WDFY4: variants seen among roughly 807,000 people sequenced by gnomAD.
WDFY4 encodes the protein WD repeat- and FYVE domain-containing protein 4.
A neutral mutation model predicts 351.9 loss-of-function variants in WDFY4; 169 were observed. That is an observed-to-expected ratio of 0.48 (90% CI 0.42 to 0.55). The LOEUF (loss-of-function observed/expected upper bound fraction) is 0.55. Among genes scored for constraint, WDFY4 ranks in the 20% least tolerant of loss-of-function variants. The probability of loss-of-function intolerance (pLI) is 0.00; values close to 1 mark genes in which losing one functional copy is unlikely to be tolerated. For synonymous variants in WDFY4, 1,622 were observed against 1,574.6 expected, an observed-to-expected ratio of 1.03 and a Z score of -0.71; for missense variants, 3,803 against 3,935.6, an observed-to-expected ratio of 0.97 and a Z score of 0.90.
chr10:48,902,973 G>C (rs569107569), intron 47 of WDFY4, among the ~76,000 whole-genome samples: 2 of 152,090 alleles, frequency 1.3e-5, no homozygotes, highest in African/African-American at 2.4e-5. Context: ...AGCCAAGCAT[G>C]ATGGCAGGTG....
At chr10:48,726,391 C>A (rs959027557) in intron 6 of WDFY4, among the ~76,000 whole-genome samples, 1 of 152,180 alleles carries the variant, frequency 6.6e-6, no homozygotes, top group Non-Finnish European at 1.5e-5. Context: ...TTGCTTGTTT[C>A]TTTGAGATAG....
At chr10:48,807,750 G>A (rs1421447822) in intron 27 of WDFY4, 109 bp from the exon 28 acceptor site, 3 of 1,274,600 alleles carry the variant, frequency 2.4e-6, no homozygotes, top group Admixed American at 2.2e-5. Context: ...TCCCAGCCAT[G>A]CCACAATTCC....
chr10:48,760,504 G>T, intron 13 of WDFY4, 64 bp downstream of exon 13: 1 of 1,495,112 alleles, frequency 6.7e-7, no homozygotes. Context: ...AATGCCTTCT[G>T]ACCCAAGACA....
intron 57 of WDFY4, among the ~76,000 whole-genome samples, chr10:48,974,562 G>GATAGAT (rs1307799326): frequency 9.1e-6 from 1 of 110,062 alleles, no homozygotes; most frequent in African/African-American, 3.3e-5. Context: ...CCGGGTTCAA[G>GATAGAT]ATAGATGTAG....
chr10:48,788,142 C>T (rs565234554), intron 20 of WDFY4, among the ~76,000 whole-genome samples: 2 of 151,984 alleles, frequency 1.3e-5, no homozygotes, highest in South Asian at 4.2e-4. Context: ...ATTCTCCTGC[C>T]TCAGCCTGCC....
rs775916363 is a variant in WDFY4 at position 48,709,863 on chromosome 10, G to C, written c.131G>C (p.Trp44Ser). The C allele has an allele frequency of 6.4e-6, 10 of 1,551,806 alleles. No individual in the cohort carries two copies. The South Asian group carries it at 1.2e-4, about 18-fold the overall frequency. Residue 44 changes from tryptophan to serine, a missense_variant, in exon 2 of 62, where the codon TGG (tryptophan) becomes TCG (serine). Physicochemically the swap from Trp to Ser is radical, Grantham distance 177 (BLOSUM62 -3). Transcript: ENST00000325239. ...GGQSSSPTAL[W>S]DMLERKFLEY... is the part of the protein sequence containing the mutation. ...CAGTCCTCCAGCCCCACAGCTCTCT[G>C]GGACATGCTGGAAAGGAAGTTTCTG...
rs963229938 is a variant in WDFY4, at chr10:48,729,417, C to A, written c.972-15C>A. The A allele has an allele frequency of 1.3e-6, 2 of 1,550,236 alleles. No individual in the cohort carries two copies. The highest frequency in any genetic ancestry group is 1.7e-6 in the Non-Finnish European group (2 of 1,146,924). On this transcript the variant is annotated splice_polypyrimidine_tract_variant and intron_variant, in intron 7 of 61. Coordinates refer to ENST00000325239, the MANE Select transcript of WDFY4 (RefSeq NM_001394531.1). Reference sequence around the variant, plus strand: ...TCTAGGAAGTACAGGGAGCTGGCCTCATCTGTTCCCCCAGGTATGATGGGC... The same window carrying A: ...TCTAGGAAGTACAGGGAGCTGGCCTAATCTGTTCCCCCAGGTATGATGGGC...
intron 39 of WDFY4, among the ~76,000 whole-genome samples, chr10:48,836,788 T>G (rs1487159762): frequency 6.6e-6 from 1 of 152,178 alleles, no homozygotes; most frequent in Non-Finnish European, 1.5e-5. Flanking sequence ...GGTTGGGAAC[T>G]TGGACTCCCT....
chr10:48,751,640 G>A (rs545339660), intron 12 of WDFY4, among the ~76,000 whole-genome samples: 1 of 152,316 alleles, frequency 6.6e-6, no homozygotes, highest in African/African-American at 2.4e-5. Flanking sequence ...AATCAGCATG[G>A]ACTGCACAAA....
chr10:48,958,828 G>A (rs1841727187), intron 52 of WDFY4, among the ~76,000 whole-genome samples: 1 of 152,154 alleles, frequency 6.6e-6, no homozygotes, highest in Non-Finnish European at 1.5e-5. Context: ...TCCTCAGGAA[G>A]GACCTGTTGA....
At chr10:48,823,987 A>T in intron 35 of WDFY4, 1 of 985,446 alleles carries the variant, frequency 1.0e-6, no homozygotes, top group South Asian at 4.7e-5. Context: ...CCTATAACAA[A>T]TTCATTTTCT....
intron 11 of WDFY4, among the ~76,000 whole-genome samples, chr10:48,738,566 G>A (rs1163307953): frequency 2.0e-5 from 3 of 152,190 alleles, no homozygotes; most frequent in Admixed American, 1.3e-4. Flanking sequence ...TGCTCTAGGG[G>A]GCACTTGGGA....
intron 13 of WDFY4, among the ~76,000 whole-genome samples, chr10:48,761,280 T>C (rs1341689782): frequency 6.6e-6 from 1 of 152,166 alleles, no homozygotes; most frequent in Non-Finnish European, 1.5e-5. Context: ...CTTGCCAATG[T>C]AAATGATAAC....
intron 39 of WDFY4, among the ~76,000 whole-genome samples, chr10:48,840,411 CACACACATACACAT>C (rs1440452394): frequency 8.1e-6 from 1 of 123,922 alleles, no homozygotes; most frequent in Non-Finnish European, 1.7e-5. Flanking sequence ...TTGACACACA[CACACACATACACAT>C]ACACACACAC....
intron 19 of WDFY4, among the ~76,000 whole-genome samples, chr10:48,783,474 T>TTGTATATATCTTA (rs201252786): frequency 2.3e-4 from 35 of 151,628 alleles, no homozygotes; most frequent in African/African-American, 8.0e-4. Flanking sequence ...ATATGTACAA[T>TTGTATATATCTTA]TGTATATATC....
At chr10:48,697,034 C>CA (rs1382097567) in intron 1 of WDFY4, among the ~76,000 whole-genome samples, 1 of 152,158 alleles carries the variant, frequency 6.6e-6, no homozygotes, top group East Asian at 1.9e-4. Flanking sequence ...CAGGAGGGGT[C>CA]AGGCTGGCCA....
At chr10:48,968,146 T>G (rs1842168239) in intron 55 of WDFY4, 1 of 152,280 alleles carries the variant, frequency 6.6e-6, no homozygotes, top group African/African-American at 2.4e-5. Flanking sequence ...GCTCAGTTTC[T>G]TCATGTGTAA....
intron 2 of WDFY4, among the ~76,000 whole-genome samples, chr10:48,718,440 A>G (rs2063975430): frequency 6.6e-6 from 1 of 152,230 alleles, no homozygotes; most frequent in African/African-American, 2.4e-5. Flanking sequence ...AGCCCTTCTT[A>G]TCTTTCCTAG....
chr10:48,730,984 A>G, intron 8 of WDFY4, 126 bp from the exon 9 acceptor site: 1 of 1,083,448 alleles, frequency 9.2e-7, no homozygotes, highest in Non-Finnish European at 1.3e-6. Flanking sequence ...CTTCTGATGG[A>G]CATGTGCCCA....
Sources: allele counts gnomAD v4.1 joint callset (sites outside exome capture counted in the v4.1 genomes callset), GRCh38; gene constraint gnomAD v4.1.1; transcripts MANE v1.5; gene names NCBI Gene and HGNC (gene_info 2026-07-23, HGNC 2026-07-21).